Variants in TRAPPC9 observed in about 807,000 individuals in gnomAD.
The protein encoded by TRAPPC9 is trafficking protein particle complex subunit 9, also known as IKK2 binding protein.
TRAPPC9 carries 83 observed loss-of-function variants against 124.0 expected under a neutral mutation model. That is an observed-to-expected ratio of 0.67 (90% CI 0.56 to 0.80). The LOEUF is 0.80. Ranked by LOEUF, TRAPPC9 falls within the 30% of genes least tolerant of loss-of-function variation. The probability of loss-of-function intolerance (pLI) is 0.00; values close to 1 mark genes in which losing one functional copy is unlikely to be tolerated. For missense variants in TRAPPC9, 1,302 were observed against 1,508.3 expected (o/e 0.86, Z 2.27); for synonymous variants, 638 against 617.5 (o/e 1.03, Z -0.49).
At chr8:140,035,459 T>C (rs983003791) in intron 17 of TRAPPC9, among the ~76,000 whole-genome samples, 2 of 152,230 alleles carry the variant, frequency 1.3e-5, no homozygotes, top group African/African-American at 4.8e-5. Context: ...ACTAAGTACC[T>C]GCAGAGGGCT....
chr8:140,254,128 T>C (rs2064192948), intron 15 of TRAPPC9, among the ~76,000 whole-genome samples: 1 of 152,160 alleles, frequency 6.6e-6, no homozygotes, highest in Non-Finnish European at 1.5e-5. Context: ...ATATGCTGCC[T>C]TGACATCCGG....
At chr8:140,006,593 T>C (rs1052340026) in intron 18 of TRAPPC9, among the ~76,000 whole-genome samples, 10 of 152,182 alleles carry the variant, frequency 6.6e-5, no homozygotes, top group African/African-American at 2.2e-4. Context: ...AAAAGTGCAA[T>C]CAACCCAAAT....
chr8:140,424,090 T>C (rs188204261), intron 5 of TRAPPC9, among the ~76,000 whole-genome samples: 3 of 152,230 alleles, frequency 2.0e-5, no homozygotes, highest in Admixed American at 1.3e-4. Context: ...ATACTAAAAA[T>C]GACTGGATTT....
rs185280157 is a variant in TRAPPC9, at chr8:139,907,293, C to T, written c.2964+2854G>A. 4.1e-4 allele frequency among the ~76,000 whole-genome samples: 62 copies of T among 152,196 alleles called. No individual in the cohort carries two copies. The highest frequency in any genetic ancestry group is 1.5e-3 in the African/African-American group (61 of 41,542). ...TAAAACGCATCTATCCAGACCCATGCGCTACAGGTGGGCAACTGCTACAAC... is the reference window on the plus strand; with the variant it reads ...TAAAACGCATCTATCCAGACCCATGTGCTACAGGTGGGCAACTGCTACAAC... On this transcript the variant is annotated intron_variant, in intron 20 of 22. Transcript: ENST00000438773. The surrounding 1 kb of genome is among the most constrained non-coding windows in gnomAD (Gnocchi z 4.7).
chr8:140,132,466 T>A (rs966604851), intron 17 of TRAPPC9, among the ~76,000 whole-genome samples: 4 of 152,176 alleles, frequency 2.6e-5, no homozygotes, highest in Non-Finnish European at 5.9e-5. Flanking sequence ...TCATCTTCCC[T>A]GTTTCCACTG....
At chr8:140,407,762 C>G (rs1329582916) in intron 5 of TRAPPC9, among the ~76,000 whole-genome samples, 4 of 152,176 alleles carry the variant, frequency 2.6e-5, no homozygotes, top group Non-Finnish European at 5.9e-5. Context: ...GCTGGGATGA[C>G]AGGCACCCAC....
chr8:140,096,085 G>A (rs553168989), intron 17 of TRAPPC9: 1 of 152,254 alleles, frequency 6.6e-6, no homozygotes, highest in East Asian at 1.9e-4. Context: ...ACTTGGAGGG[G>A]GACTCATAAA....
intron 20 of TRAPPC9, among the ~76,000 whole-genome samples, chr8:139,896,312 G>C (rs998584987): frequency 6.6e-6 from 1 of 152,114 alleles, no homozygotes; most frequent in African/African-American, 2.4e-5. Context: ...TGGAGCAAGA[G>C]GTCAATCCAT....
At chr8:140,436,071 C>T (rs149299958) in intron 3 of TRAPPC9, among the ~76,000 whole-genome samples, 99 of 152,316 alleles carry the variant, frequency 6.5e-4, no homozygotes, top group African/African-American at 2.1e-3. Flanking sequence ...ATAGGCCAGA[C>T]GCAGTGGCTC....
At chr8:140,160,412 A>T (rs979425242) in intron 17 of TRAPPC9, among the ~76,000 whole-genome samples, 1 of 152,244 alleles carries the variant, frequency 6.6e-6, no homozygotes. Flanking sequence ...TCCATCAATA[A>T]GAGACTAGAT....
chr8:139,954,477 G>A (rs1834854396), intron 19 of TRAPPC9, among the ~76,000 whole-genome samples: 1 of 152,186 alleles, frequency 6.6e-6, no homozygotes, highest in East Asian at 1.9e-4. Context: ...AGAGATGCCA[G>A]ACAGCTTGCC....
At chr8:139,947,185 A>G (rs1834282433) in intron 19 of TRAPPC9, among the ~76,000 whole-genome samples, 1 of 152,214 alleles carries the variant, frequency 6.6e-6, no homozygotes, top group African/African-American at 2.4e-5. Flanking sequence ...TTAGCATGAT[A>G]GGGAACAGAG....
Position 140,457,690 on chromosome 8 carries a change from G to A in TRAPPC9, c.-62C>T, listed in dbSNP as rs962910262. ...GGGAGCCCACGACCTGGCGGGCAGC[G>A]GGGCCGAGCAGCCTCTGCGGCCACT... On this transcript the variant is annotated 5_prime_UTR_variant, in exon 1 of 23. Transcript: ENST00000438773. 4.1e-6 allele frequency: 4 copies of A among 986,616 alleles called. No individual in the cohort carries two copies. The highest frequency in any genetic ancestry group is 1.1e-4 in the East Asian group (1 of 8,762). The allele number at this position is 986,616 out of a possible 1,614,324, so 61.1% of individuals were successfully genotyped here.
intron 18 of TRAPPC9, among the ~76,000 whole-genome samples, chr8:140,006,983 A>G (rs1304122100): frequency 6.6e-6 from 1 of 152,190 alleles, no homozygotes; most frequent in African/African-American, 2.4e-5. Flanking sequence ...TGACATGTAA[A>G]TTATATTTCA....
At chr8:140,209,473 C>T (rs2063005258) in intron 17 of TRAPPC9, among the ~76,000 whole-genome samples, 2 of 152,212 alleles carry the variant, frequency 1.3e-5, no homozygotes, top group Admixed American at 1.3e-4. Flanking sequence ...TAGAATTCCA[C>T]ATGCAGCAGA....
intron 17 of TRAPPC9, among the ~76,000 whole-genome samples, chr8:140,110,935 A>G (rs1323144623): frequency 3.1e-5 from 1 of 32,604 alleles, no homozygotes; most frequent in African/African-American, 1.5e-4. Context: ...AGCTCCCCCA[A>G]AGCTCCCCCT....
intron 7 of TRAPPC9, among the ~76,000 whole-genome samples, chr8:140,382,321 T>C (rs1588252613): frequency 6.6e-6 from 1 of 152,162 alleles, no homozygotes; most frequent in Non-Finnish European, 1.5e-5. Flanking sequence ...GCATCGAGCA[T>C]GGGCCGAAGC....
intron 8 of TRAPPC9, among the ~76,000 whole-genome samples, chr8:140,367,013 A>C (rs1418533054): frequency 6.6e-6 from 1 of 152,216 alleles, no homozygotes; most frequent in African/African-American, 2.4e-5. Flanking sequence ...TGCAAAGTAA[A>C]GCAACGAGAT....
Position 140,129,005 on chromosome 8 carries a change from T to TATATTAA in TRAPPC9, c.2556+92453_2556+92454insTTAATAT, listed in dbSNP as rs1563783126. On this transcript the variant is annotated intron_variant, in intron 17 of 22. Transcript: ENST00000438773. ...TATATATACATATATATATATATAT[T>TATATTAA]AAAAAAAAAAAGAAGACTCCTCTCC... Among the ~76,000 whole-genome samples the TATATTAA allele has an allele frequency of 5.3e-3, 707 of 134,648 alleles. 10 individuals are homozygous for TATATTAA. The highest frequency in any genetic ancestry group is 0.018 in the African/African-American group (656 of 35,906). The allele number at this position is 134,648 out of a possible 152,430, so 88.3% of individuals were successfully genotyped here. A position where few individuals can be genotyped will look rare whatever the true frequency, so the allele number is the denominator to read the frequency against.
Sources: gnomAD v4.1 joint callset for allele counts (sites outside exome capture counted in the v4.1 genomes callset) on GRCh38, gnomAD v4.1.1 for gene constraint, Gnocchi (gnomAD v3.1) non-coding constraint, MANE v1.5 for transcripts, NCBI Gene and HGNC (gene_info 2026-07-23, HGNC 2026-07-21) for gene names.